Variants in P2RX7 observed in about 807,000 individuals in gnomAD.
P2RX7 encodes the protein purinergic receptor P2X 7.
A neutral mutation model predicts 71.6 loss-of-function variants in P2RX7; 62 were observed. The ratio of observed to expected loss-of-function variants is 0.87; its 90% confidence interval spans 0.71 to 1.07. The LOEUF (loss-of-function observed/expected upper bound fraction) is 1.07. Ranked by LOEUF, P2RX7 falls within the 50% of genes least tolerant of loss-of-function variation. The pLI is 0.00. For synonymous variants in P2RX7, 299 were observed against 283.3 expected, an observed-to-expected ratio of 1.06 and a Z score of -0.56; for missense variants, 686 against 748.5, an observed-to-expected ratio of 0.92 and a Z score of 0.97.
At chr12:121,169,471 T>C (rs1321245013) in intron 8 of P2RX7, among the ~76,000 whole-genome samples, 1 of 152,182 alleles carries the variant, frequency 6.6e-6, no homozygotes, top group Non-Finnish European at 1.5e-5. Context: ...GTAGAAAAGA[T>C]CTTATGCAAA....
At chr12:121,173,067 T>C (rs778154845) in intron 8 of P2RX7, among the ~76,000 whole-genome samples, 3 of 152,234 alleles carry the variant, frequency 2.0e-5, no homozygotes, top group Non-Finnish European at 2.9e-5. Context: ...ACTGCAGCAC[T>C]GGTGAGGGTT....
chr12:121,179,026 C>T (rs908339894), intron 11 of P2RX7, among the ~76,000 whole-genome samples: 16 of 151,914 alleles, frequency 1.1e-4, no homozygotes, highest in African/African-American at 3.9e-4. Flanking sequence ...TATATATGTA[C>T]ACAAAATTGT....
At position 121,185,082 on chromosome 12, in the gene P2RX7, C is replaced by CAAA; in HGVS notation, c.*280_*281insAAA. 3 of 195,706 alleles carry CAAA rather than the reference C, an allele frequency of 1.5e-5. No individual in the cohort carries two copies. The highest frequency in any genetic ancestry group is 1.0e-4 in the East Asian group (1 of 9,710). 12.1% of individuals were successfully genotyped at this position (195,706 alleles called of 1,614,324 possible). A position where few individuals can be genotyped will look rare whatever the true frequency, so the allele number is the denominator to read the frequency against. On this transcript the variant is annotated 3_prime_UTR_variant, in exon 13 of 13. Coordinates refer to ENST00000328963, the MANE Select transcript of P2RX7 (RefSeq NM_002562.6). Reference sequence around the variant, plus strand: ...CCTGGGAGGCACAGCAAACTGTCCCCCAAAAAAAAAAAAGAGTCCTTACCA... The same window carrying CAAA: ...CCTGGGAGGCACAGCAAACTGTCCCCAAACAAAAAAAAAAAAGAGTCCTTACCA...
chr12:121,175,798 G>GA (rs3842711), intron 9 of P2RX7, among the ~76,000 whole-genome samples: 58,645 of 151,066 alleles, frequency 0.39, 11,776 homozygotes, highest in African/African-American at 0.45. Flanking sequence ...GGCTTAAGGG[G>GA]AAAAAAAAAG....
At chr12:121,177,101 G>A (rs770210539) in intron 9 of P2RX7, 46 bp from the exon 10 acceptor site, 102 of 1,535,706 alleles carry the variant, frequency 6.6e-5, no homozygotes, top group Non-Finnish European at 7.2e-5. Flanking sequence ...GCAAAAGAGC[G>A]TTGCTCTGAA....
chr12:121,143,221 TA>T (rs35217704), intron 1 of P2RX7, among the ~76,000 whole-genome samples: 30,590 of 136,468 alleles, frequency 0.22, 4,197 homozygotes, highest in African/African-American at 0.42. Flanking sequence ...CTCTCTCTAC[TA>T]AAAAAAAAAA....
chr12:121,156,940 G>T (rs1249355763), intron 3 of P2RX7, among the ~76,000 whole-genome samples: 1 of 152,172 alleles, frequency 6.6e-6, no homozygotes, highest in African/African-American at 2.4e-5. Flanking sequence ...GATCACTGGA[G>T]CCCAGGAGTT....
Position 121,180,384 on chromosome 12 carries a change from T to A in P2RX7, c.1219T>A (p.Ser407Thr), listed in dbSNP as rs2136159435. 1 of 1,602,086 alleles carries A rather than the reference T, an allele frequency of 6.2e-7. No homozygotes were observed. The highest frequency in any genetic ancestry group is 8.5e-7 in the Non-Finnish European group (1 of 1,172,670). ...TLKYVSFVDE[S>T]HIRMVNQQLL... ...AAAGTATGTGTCCTTTGTGGATGAATCCCACATTAGGATGGTGAACCAGCA... is the reference window on the plus strand; with the variant it reads ...AAAGTATGTGTCCTTTGTGGATGAAACCCACATTAGGATGGTGAACCAGCA... Residue 407 changes from serine to threonine, a missense_variant, in exon 12 of 13, where the codon TCC (serine) becomes ACC (threonine). Coordinates refer to ENST00000328963, the MANE Select transcript of P2RX7 (RefSeq NM_002562.6).
At position 121,176,613 on chromosome 12, in the gene P2RX7, G is replaced by A. The variant is rs570880708; in HGVS notation, c.973-534G>A. Among the ~76,000 whole-genome samples, 37 of 152,060 alleles carry A rather than the reference G, an allele frequency of 2.4e-4. No homozygotes were observed. The East Asian group carries it at 2.5e-3, about 10-fold the overall frequency. ...TAAAAATGCAAAAAATTAGCTGGGC[G>A]TGGCGGTGGGTACTTGTAATCCCAG... On this transcript the variant is annotated intron_variant, in intron 9 of 12. Coordinates refer to ENST00000328963, the MANE Select transcript of P2RX7 (RefSeq NM_002562.6).
At position 121,154,658 on chromosome 12, in the gene P2RX7, A is replaced by T; in HGVS notation, c.126-127A>T. ...TCCCATTATCCAGAGAGGGAAAACA[A>T]GTCACACGGAAGCAAGTCACGCAGC... On this transcript the variant is annotated intron_variant, in intron 1 of 12. Transcript: ENST00000328963. The surrounding 1 kb of genome is among the most constrained non-coding windows in gnomAD (Gnocchi z 4.2). The T allele has an allele frequency of 1.4e-6, 1 of 723,232 alleles. No homozygotes were observed. The highest frequency in any genetic ancestry group is 2.5e-6 in the Non-Finnish European group (1 of 397,286). The allele number at this position is 723,232 out of a possible 1,614,324, so 44.8% of individuals were successfully genotyped here. A position where few individuals can be genotyped will look rare whatever the true frequency, so the allele number is the denominator to read the frequency against.
At chr12:121,155,393 A>G (rs898801699) in intron 2 of P2RX7, 3 of 1,291,470 alleles carry the variant, frequency 2.3e-6, no homozygotes, top group Non-Finnish European at 3.0e-6. Context: ...TTCCACAAAG[A>G]AAGGATGTAA....
chr12:121,151,352 T>C (rs1877365767), intron 1 of P2RX7, among the ~76,000 whole-genome samples: 1 of 151,664 alleles, frequency 6.6e-6, no homozygotes, highest in African/African-American at 2.4e-5. Flanking sequence ...GGTTCCTGCC[T>C]CAGCCTCCGG....
chr12:121,152,242 A>G (rs1303906776), intron 1 of P2RX7, among the ~76,000 whole-genome samples: 1 of 152,186 alleles, frequency 6.6e-6, no homozygotes. Flanking sequence ...TGGCCTCCCA[A>G]AATGCTGAGA....
rs1884817394 is a variant in P2RX7 at position 121,185,696 on chromosome 12, C to T, written c.*894C>T. ...AGTTTCAGATCCTGATCTTAAGAGG[C>T]TGACAGCTTCTACTTGCTGTCCCTT... On this transcript the variant is annotated 3_prime_UTR_variant, in exon 13 of 13. Transcript: ENST00000328963. 1 of 152,572 alleles carries T rather than the reference C, an allele frequency of 6.6e-6. No homozygotes were observed. The highest frequency in any genetic ancestry group is 2.1e-4 in the South Asian group (1 of 4,820). 9.5% of individuals were successfully genotyped at this position (152,572 alleles called of 1,614,324 possible). A position where few individuals can be genotyped will look rare whatever the true frequency, so the allele number is the denominator to read the frequency against.
At position 121,132,985 on chromosome 12, in the gene P2RX7, C is replaced by A. The variant is rs769652994; in HGVS notation, c.15C>A (p.Cys5Ter). The A allele has an allele frequency of 1.2e-6, 2 of 1,613,876 alleles. No individual in the cohort carries two copies. Among genetic ancestry groups the A allele is most frequent in the South Asian group, 2.2e-5 (2 of 91,076 alleles). The change falls in exon 1 of 13, where the codon TGC becomes TGA. Residue 5 changes from cysteine (C) to a stop codon, truncating the protein, a stop_gained. Coordinates refer to ENST00000328963, the MANE Select transcript of P2RX7 (RefSeq NM_002562.6). LOFTEE classifies it high-confidence loss of function. ...AGGCTGTCACCATGCCGGCCTGCTG[C>A]AGCTGCAGTGATGTTTTCCAGTATG... MPAC[C>*]SCSDVFQYET...
At chr12:121,155,351 A>G in intron 2 of P2RX7, 2 of 1,296,688 alleles carry the variant, frequency 1.5e-6, no homozygotes, top group Non-Finnish European at 2.0e-6. Context: ...ATCAACAAAA[A>G]TGACTCCAGG....
At chr12:121,163,068 G>A (rs1880098349) in intron 5 of P2RX7, among the ~76,000 whole-genome samples, 1 of 152,076 alleles carries the variant, frequency 6.6e-6, no homozygotes, top group Non-Finnish European at 1.5e-5. Flanking sequence ...AATACACAAA[G>A]TCACAATGTT....
intron 11 of P2RX7, among the ~76,000 whole-genome samples, chr12:121,178,524 G>A (rs1344416737): frequency 6.6e-6 from 1 of 152,206 alleles, no homozygotes; most frequent in East Asian, 1.9e-4. Context: ...GGGCACAGTG[G>A]CTCACGCCTA....
chr12:121,163,370 A>G (rs951258190), intron 5 of P2RX7, among the ~76,000 whole-genome samples: 2 of 150,364 alleles, frequency 1.3e-5, no homozygotes, highest in Admixed American at 1.3e-4. Flanking sequence ...ACACACACAC[A>G]CACACACAAT....
Sources: allele counts gnomAD v4.1 joint callset (sites outside exome capture counted in the v4.1 genomes callset), GRCh38; gene constraint gnomAD v4.1.1; non-coding constraint Gnocchi (gnomAD v3.1); transcripts MANE v1.5; gene names NCBI Gene and HGNC (gene_info 2026-07-23, HGNC 2026-07-21).